The following ANO3 variants were observed in gnomAD, a reference collection of about 807,000 sequenced individuals.
ANO3 encodes the protein anoctamin 3, also known as anoctamin-3.
In ANO3, 99 loss-of-function variants were observed where a neutral mutation model predicts 144.8. The ratio of observed to expected loss-of-function variants is 0.68; its 90% CI spans 0.58 to 0.81. ANO3 has a LOEUF of 0.81. Ranked by LOEUF, ANO3 falls within the 30% of genes least tolerant of loss-of-function variation. ANO3 has a pLI of 0.00. For missense variants in ANO3, 905 were observed against 1,202.2 expected (o/e 0.75, Z 3.66); for synonymous variants, 414 against 392.6 (o/e 1.05, Z -0.64).
At chr11:26,565,802 C>T (rs370334569) in intron 14 of ANO3, 43 of 1,612,902 alleles carry the variant, frequency 2.7e-5, no homozygotes, top group South Asian at 1.2e-4. Flanking sequence ...CATGGCTCCC[C>T]GATAGAAGTG....
intron 18 of ANO3, among the ~76,000 whole-genome samples, chr11:26,631,515 C>A (rs1661641762): frequency 6.6e-6 from 1 of 152,002 alleles, no homozygotes; most frequent in Non-Finnish European, 1.5e-5. Context: ...CCTATCTATC[C>A]ATCTATCTTT....
chr11:26,365,812 G>A (rs1585497), intron 1 of ANO3, among the ~76,000 whole-genome samples: 146,298 of 152,084 alleles, frequency 0.96, 70,373 homozygotes, highest in East Asian at 1. Context: ...AGAGGTTGCT[G>A]TGAAGTTCTC....
chr11:26,501,719 C>T (rs1861202617), intron 4 of ANO3, among the ~76,000 whole-genome samples: 1 of 152,170 alleles, frequency 6.6e-6, no homozygotes, highest in Non-Finnish European at 1.5e-5. Flanking sequence ...ATGACCTCTT[C>T]TGAACTATGA....
upstream of ANO3, among the ~76,000 whole-genome samples, chr11:26,307,311 G>A (rs192511932): frequency 3.8e-3 from 585 of 152,132 alleles, 4 homozygotes; most frequent in African/African-American, 0.013. Flanking sequence ...CTAAGATTGC[G>A]TCATTGCACT....
chr11:26,542,948 C>T (rs1363932227), intron 11 of ANO3, among the ~76,000 whole-genome samples: 3 of 151,912 alleles, frequency 2.0e-5, no homozygotes, highest in African/African-American at 7.3e-5. Flanking sequence ...GTCAGTGCCC[C>T]CAGTGTAAAA....
chr11:26,525,598 T>C, intron 6 of ANO3, 37 bp from the exon 7 acceptor site: 1 of 1,572,604 alleles, frequency 6.4e-7, no homozygotes, highest in Non-Finnish European at 8.7e-7. Context: ...TTTATTTTCC[T>C]GTGGCTTTCC....
chr11:26,658,367 A>C (rs1198897724), intron 26 of ANO3, among the ~76,000 whole-genome samples: 1 of 152,146 alleles, frequency 6.6e-6, no homozygotes, highest in Non-Finnish European at 1.5e-5. Context: ...TAATCCCAGA[A>C]CTTTGGGAGG....
intron 1 of ANO3, among the ~76,000 whole-genome samples, chr11:26,277,948 G>T (rs1245734349): frequency 6.6e-6 from 1 of 152,084 alleles, no homozygotes; most frequent in African/African-American, 2.4e-5. Context: ...AGCATGAATT[G>T]GTGGACAAAC....
At chr11:26,467,272 CG>C (rs1206855389) in intron 4 of ANO3, among the ~76,000 whole-genome samples, 2 of 151,812 alleles carry the variant, frequency 1.3e-5, no homozygotes, top group African/African-American at 4.8e-5. Flanking sequence ...CATCACCTCA[CG>C]CATTTATCCT....
At chr11:26,574,612 A>G (rs1374777466) in intron 14 of ANO3, among the ~76,000 whole-genome samples, 1 of 152,188 alleles carries the variant, frequency 6.6e-6, no homozygotes, top group Non-Finnish European at 1.5e-5. Context: ...ATTCTTTATA[A>G]ATAAAATAGA....
chr11:26,567,289 T>A (rs1271207045), intron 14 of ANO3: 1 of 466,142 alleles, frequency 2.1e-6, no homozygotes, highest in Non-Finnish European at 3.6e-6. Flanking sequence ...ACTGATTTCA[T>A]GTTTTTGAAT....
intron 1 of ANO3, among the ~76,000 whole-genome samples, chr11:26,378,012 A>G (rs944936173): frequency 9.9e-5 from 15 of 152,120 alleles, no homozygotes; most frequent in Non-Finnish European, 1.9e-4. Context: ...ACTAGATGAC[A>G]TTATAAAAAA....
In ANO3 at chr11:26,529,144, TA is replaced by T. The variant is rs1407551826; in HGVS notation, c.738-2059del. Among the ~76,000 whole-genome samples, 4 of 1,702 alleles carry T rather than the reference TA, an allele frequency of 2.4e-3. 1 individual carries two copies. The highest frequency in any genetic ancestry group is 2.6e-3 in the African/African-American group (4 of 1,516). 1.1% of individuals were successfully genotyped at this position (1,702 alleles called of 152,430 possible). A position where few individuals can be genotyped will look rare whatever the true frequency, so the allele number is the denominator to read the frequency against. On this transcript the variant is annotated intron_variant, in intron 7 of 26. Coordinates refer to ENST00000256737, the MANE Select transcript of ANO3 (RefSeq NM_031418.4). ...TATATTATATATAATATATATTATATAATAATATATATTATATATAATATAT... is the reference window on the plus strand; with the variant it reads ...TATATTATATATAATATATATTATATATAATATATATTATATATAATATAT...
intron 24 of ANO3, among the ~76,000 whole-genome samples, chr11:26,655,712 T>G (rs1447405226): frequency 6.6e-6 from 1 of 152,152 alleles, no homozygotes; most frequent in Admixed American, 6.6e-5. Flanking sequence ...TCATAGGTCT[T>G]GAATAAATAT....
chr11:26,332,407 G>A (rs1355047931), intron 1 of ANO3, 86 bp downstream of exon 1: 1 of 1,315,302 alleles, frequency 7.6e-7, no homozygotes, highest in Non-Finnish European at 1.1e-6. Flanking sequence ...ATCCTTTGCA[G>A]GCTTATGCGA....
chr11:26,246,050 G>A (rs1457380956), intron 1 of ANO3, among the ~76,000 whole-genome samples: 1 of 152,110 alleles, frequency 6.6e-6, no homozygotes. Context: ...GAAATTCAGA[G>A]AACACCTTCA....
chr11:26,553,225 TTTTTGTTTTTG>T lies in ANO3; in HGVS notation c.1290-19_1290-9del, dbSNP rs769392926. ...CAGTTTCATGCTATGTTTTGTTTTGTTTTTGTTTTTGTTTTTTCTCAAGCCAAGAAATTTGT... is the reference window on the plus strand; with the variant it reads ...CAGTTTCATGCTATGTTTTGTTTTGTTTTTTTCTCAAGCCAAGAAATTTGT... On this transcript the variant is annotated splice_polypyrimidine_tract_variant and intron_variant, in intron 12 of 26. Coordinates refer to ENST00000256737, the MANE Select transcript of ANO3 (RefSeq NM_031418.4). 9 of 1,255,376 alleles carry T rather than the reference TTTTTGTTTTTG, an allele frequency of 7.2e-6. 1 individual carries two copies. The highest frequency in any genetic ancestry group is 9.8e-6 in the Non-Finnish European group (9 of 917,752). The allele number at this position is 1,255,376 out of a possible 1,614,324, so 77.8% of individuals were successfully genotyped here.
At chr11:26,468,357 G>C (rs923751532) in intron 4 of ANO3, among the ~76,000 whole-genome samples, 1 of 151,944 alleles carries the variant, frequency 6.6e-6, no homozygotes, top group Non-Finnish European at 1.5e-5. Flanking sequence ...TTCAGTTACA[G>C]TGACTTCACC....
Position 26,508,233 on chromosome 11 carries a change from A to T in ANO3, c.562A>T (p.Arg188Ter). The T allele has an allele frequency of 6.3e-7, 1 of 1,598,796 alleles. No individual in the cohort carries two copies. The highest frequency in any genetic ancestry group is 8.5e-7 in the Non-Finnish European group (1 of 1,175,420). The change falls in exon 5 of 27, where the codon AGA becomes TGA. Residue 188 changes from arginine to a stop codon, truncating the protein, a stop_gained. Transcript: ENST00000256737. LOFTEE classifies it high-confidence loss of function. ...DKRNTFEKNL[R>*]AEGLMLEKEP... Reference sequence around the variant, plus strand: ...AAGAAACACATTTGAAAAGAACCTCAGAGCAGAAGGCTTGATGTTGGAGAA... The same window carrying T: ...AAGAAACACATTTGAAAAGAACCTCTGAGCAGAAGGCTTGATGTTGGAGAA...
Sources: gnomAD v4.1 joint callset for allele counts (sites outside exome capture counted in the v4.1 genomes callset) on GRCh38, gnomAD v4.1.1 for gene constraint, MANE v1.5 for transcripts, NCBI Gene and HGNC (gene_info 2026-07-23, HGNC 2026-07-21) for gene names.